The following TUBGCP4 variants were observed in gnomAD, a reference collection of about 807,000 sequenced individuals.
The protein encoded by TUBGCP4 is tubulin gamma complex component 4, also known as gamma-tubulin complex component 4.
Under a neutral mutation model 91.6 loss-of-function variants are expected in TUBGCP4, and 54 were observed. The ratio of observed to expected loss-of-function variants is 0.59; its 90% CI spans 0.47 to 0.74. The LOEUF (loss-of-function observed/expected upper bound fraction) is 0.74. Among genes scored for constraint, TUBGCP4 ranks in the 30% least tolerant of loss-of-function variants. The pLI is 0.00. For missense variants in TUBGCP4, 593 were observed against 800.9 expected, an observed-to-expected ratio of 0.74 and a Z score of 3.13; for synonymous variants, 297 against 302.8, an observed-to-expected ratio of 0.98 and a Z score of 0.20.
At chr15:43,401,629 C>G in intron 14 of TUBGCP4, 87 bp from the exon 15 acceptor site, 1 of 1,417,532 alleles carries the variant, frequency 7.1e-7, no homozygotes, top group Non-Finnish European at 9.7e-7. Context: ...GGAGGCAAAG[C>G]ATTTTCATTT....
At chr15:43,380,846 A>G (rs970446164) in intron 6 of TUBGCP4, among the ~76,000 whole-genome samples, 2 of 152,218 alleles carry the variant, frequency 1.3e-5, no homozygotes, top group African/African-American at 4.8e-5. Context: ...ATAATCAAAG[A>G]CTGCCTGTTT....
intron 4 of TUBGCP4, 43 bp downstream of exon 4, chr15:43,377,110 G>C (rs2044217730): frequency 6.6e-7 from 1 of 1,504,838 alleles, no homozygotes; most frequent in South Asian, 1.1e-5. Context: ...TCTGTTGATA[G>C]TGTTAGAATA....
At chr15:43,392,903 A>C (rs1197700808) in intron 9 of TUBGCP4, among the ~76,000 whole-genome samples, 2 of 152,126 alleles carry the variant, frequency 1.3e-5, no homozygotes, top group Non-Finnish European at 1.5e-5. Context: ...CTTTATCTGC[A>C]ACCTTTCTGT....
chr15:43,404,926 T>C, intron 17 of TUBGCP4: 1 of 524,502 alleles, frequency 1.9e-6, no homozygotes. Flanking sequence ...CCACCCCTTC[T>C]AACTCTAAAC....
At chr15:43,399,362 G>T (rs556825417) in intron 13 of TUBGCP4, among the ~76,000 whole-genome samples, 28 of 152,256 alleles carry the variant, frequency 1.8e-4, no homozygotes, top group African/African-American at 6.3e-4. Flanking sequence ...CATAATCCTT[G>T]ATTCATAACA....
intron 9 of TUBGCP4, among the ~76,000 whole-genome samples, chr15:43,386,725 CA>C (rs10718458): frequency 0.21 from 13,886 of 67,374 alleles, 391 homozygotes; most frequent in Middle Eastern, 0.25. Flanking sequence ...ACTCTGTCTC[CA>C]AAAAAAAAAA....
intron 9 of TUBGCP4, chr15:43,391,248 G>T (rs12324584): frequency 0.27 from 40,721 of 152,432 alleles, 8,788 homozygotes; most frequent in African/African-American, 0.59. Flanking sequence ...CTCCCAGGCT[G>T]GAGTGCAGTG....
At chr15:43,373,907 C>T (rs1356148158) in intron 1 of TUBGCP4, among the ~76,000 whole-genome samples, 1 of 152,134 alleles carries the variant, frequency 6.6e-6, no homozygotes, top group African/African-American at 2.4e-5. Context: ...CCACCTCGGC[C>T]TCCCAAAGTG....
intron 2 of TUBGCP4, 110 bp from the exon 3 acceptor site, chr15:43,376,393 G>A (rs998197017): frequency 1.9e-6 from 3 of 1,603,082 alleles, no homozygotes; most frequent in Non-Finnish European, 1.7e-6. Context: ...TGAAGGCAAG[G>A]CCTCTAATTG....
rs376577358 is a variant in TUBGCP4 at position 43,376,220 on chromosome 15, A to G, written c.201A>G (p.Gln67=). ...EFIEQYTGHV[Q]QQDHHPSQQG... is the part of the protein sequence containing the mutation. Reference sequence around the variant, plus strand: ...TTGAACAGTACACGGGCCATGTGCAACAGCAGGTGGGTCCTGTTCTCTGTG... The same window carrying G: ...TTGAACAGTACACGGGCCATGTGCAGCAGCAGGTGGGTCCTGTTCTCTGTG... The change falls in exon 2 of 18, where the codon CAA becomes CAG. Residue 67 remains glutamine (Q), a synonymous_variant. Transcript: ENST00000564079. 1 of 1,614,068 alleles carries G rather than the reference A, an allele frequency of 6.2e-7. No homozygotes were observed. The highest frequency in any genetic ancestry group is 8.5e-7 in the Non-Finnish European group (1 of 1,179,976).
In TUBGCP4 at chr15:43,402,113, A is replaced by C. The variant is rs569084364; in HGVS notation, c.1731+263A>C. The C allele has an allele frequency of 6.1e-5, 18 of 293,154 alleles. No homozygotes were observed. The East Asian group carries it at 1.3e-3, about 22-fold the overall frequency. The allele number at this position is 293,154 out of a possible 1,614,324, so 18.2% of individuals were successfully genotyped here. A position where few individuals can be genotyped will look rare whatever the true frequency, so the allele number is the denominator to read the frequency against. On this transcript the variant is annotated intron_variant, in intron 15 of 17. Coordinates refer to ENST00000564079, the MANE Select transcript of TUBGCP4 (RefSeq NM_014444.5). The stretch of plus-strand genomic sequence containing the variant: ...TGGTGAAAACCCGTCTCTACTAAAA[A>C]TACAGAAGAAAAAAAAAATAATAGG...
chr15:43,392,592 G>A (rs960354901), intron 9 of TUBGCP4, among the ~76,000 whole-genome samples: 10 of 151,968 alleles, frequency 6.6e-5, no homozygotes, highest in East Asian at 1.9e-4. Flanking sequence ...TCTGCCTCCC[G>A]GGTTCAAGCG....
At position 43,371,515 on chromosome 15, in the gene TUBGCP4, C is replaced by T. The variant is rs2044121266; in HGVS notation, c.78+83C>T. 4.2e-6 allele frequency: 6 copies of T among 1,420,162 alleles called. No individual in the cohort carries two copies. In the Admixed American group the frequency reaches 9.1e-5, roughly 22 times the overall value. 88.0% of individuals were successfully genotyped at this position (1,420,162 alleles called of 1,614,324 possible). On this transcript the variant is annotated intron_variant, in intron 1 of 17. Transcript: ENST00000564079. ...GCGCCTGGGGGAGTAGGCTGAGGGA[C>T]CTAGCGAGCGGGGCTTCCAGGGCTG...
At chr15:43,374,484 T>C (rs1012398689) in intron 1 of TUBGCP4, among the ~76,000 whole-genome samples, 2 of 152,190 alleles carry the variant, frequency 1.3e-5, no homozygotes, top group South Asian at 2.1e-4. Context: ...TGGTGACACA[T>C]GCCTGTAGTC....
chr15:43,396,434 G>C (rs1233822880), intron 11 of TUBGCP4, among the ~76,000 whole-genome samples: 1 of 152,106 alleles, frequency 6.6e-6, no homozygotes, highest in Non-Finnish European at 1.5e-5. Flanking sequence ...GTAGAGTTGG[G>C]TAAGGATCCA....
intron 15 of TUBGCP4, 71 bp downstream of exon 15, chr15:43,401,921 C>A: frequency 6.4e-7 from 1 of 1,554,346 alleles, no homozygotes; most frequent in South Asian, 1.2e-5. Context: ...TTTGAGTTGA[C>A]AGGATACGAA....
intron 7 of TUBGCP4, among the ~76,000 whole-genome samples, chr15:43,384,326 A>T (rs1470449494): frequency 6.6e-6 from 1 of 152,222 alleles, no homozygotes; most frequent in Non-Finnish European, 1.5e-5. Flanking sequence ...GTAAACAGTT[A>T]CATTACAGTG....
chr15:43,393,139 C>G (rs1487623231), intron 9 of TUBGCP4, among the ~76,000 whole-genome samples: 2 of 151,692 alleles, frequency 1.3e-5, no homozygotes, highest in African/African-American at 4.8e-5. Context: ...ATATTACTTA[C>G]TAGTATTCTA....
intron 6 of TUBGCP4, among the ~76,000 whole-genome samples, chr15:43,380,970 ATTT>A (rs2044277016): frequency 6.6e-6 from 1 of 151,712 alleles, no homozygotes; most frequent in Non-Finnish European, 1.5e-5. Flanking sequence ...TTTTTTTCTT[ATTT>A]TATTTTAATT....
Sources: gnomAD v4.1 joint callset for allele counts (sites outside exome capture counted in the v4.1 genomes callset) on GRCh38, gnomAD v4.1.1 for gene constraint, MANE v1.5 for transcripts, NCBI Gene and HGNC (gene_info 2026-07-23, HGNC 2026-07-21) for gene names.